The following COL6A6 variants were observed in gnomAD, a reference collection of about 807,000 sequenced individuals.
COL6A6 encodes the protein collagen alpha-6(VI) chain.
Under a neutral mutation model 208.6 loss-of-function variants are expected in COL6A6, and 183 were observed. That is an observed-to-expected ratio of 0.88 (90% CI 0.78 to 0.99). The LOEUF (loss-of-function observed/expected upper bound fraction) is 0.99. Among genes scored for constraint, COL6A6 ranks in the 50% least tolerant of loss-of-function variants. The pLI, the probability that COL6A6 is intolerant of heterozygous loss-of-function variation, is 0.00. For missense variants in COL6A6, 2,816 were observed against 2,815.2 expected, an observed-to-expected ratio of 1.00 and a Z score of -0.01; for synonymous variants, 973 against 1,011.8, an observed-to-expected ratio of 0.96 and a Z score of 0.73.
intron 28 of COL6A6, among the ~76,000 whole-genome samples, chr3:130,638,788 C>T (rs2065228122): frequency 6.6e-6 from 1 of 152,222 alleles, no homozygotes; most frequent in Admixed American, 6.5e-5. Flanking sequence ...TCTTTTGTTA[C>T]TTGGGGAAGC....
At chr3:130,670,645 G>C (rs1032818798) in intron 36 of COL6A6, among the ~76,000 whole-genome samples, 1 of 152,296 alleles carries the variant, frequency 6.6e-6, no homozygotes, top group East Asian at 1.9e-4. Context: ...ACAGTCTTGG[G>C]ACAGGGAAGG....
At chr3:130,518,403 T>A (rs1233721094) in intron 1 of COL6A6, among the ~76,000 whole-genome samples, 3 of 152,256 alleles carry the variant, frequency 2.0e-5, no homozygotes, top group African/African-American at 7.2e-5. Context: ...GTTCAGTGTC[T>A]TCATAGAGGA....
chr3:130,589,931 GT>G, intron 12 of COL6A6: 2 of 441,300 alleles, frequency 4.5e-6, no homozygotes, highest in South Asian at 3.3e-5. Flanking sequence ...CTCTGAATAT[GT>G]CTCTGAAAGT....
intron 21 of COL6A6, among the ~76,000 whole-genome samples, chr3:130,607,843 C>T (rs2064231435): frequency 6.6e-6 from 1 of 152,162 alleles, no homozygotes; most frequent in African/African-American, 2.4e-5. Context: ...TTTTATTTAT[C>T]TGTTTCTGCT....
At chr3:130,553,835 G>GT (rs370346226) in intron 1 of COL6A6, among the ~76,000 whole-genome samples, 20 of 121,478 alleles carry the variant, frequency 1.6e-4, no homozygotes, top group South Asian at 1.1e-3. Context: ...GTTGCGGTGG[G>GT]TTTTTTTTGT....
At chr3:130,611,842 A>G (rs2064368612) in intron 23 of COL6A6, among the ~76,000 whole-genome samples, 1 of 152,168 alleles carries the variant, frequency 6.6e-6, no homozygotes, top group African/African-American at 2.4e-5. Context: ...ATGCAGGCAA[A>G]CTGCATGTCA....
intron 36 of COL6A6, among the ~76,000 whole-genome samples, chr3:130,674,006 A>G (rs1409833114): frequency 6.6e-6 from 1 of 152,130 alleles, no homozygotes; most frequent in Non-Finnish European, 1.5e-5. Flanking sequence ...GTTGCTCACA[A>G]CAACAGAAGT....
Position 130,581,975 on chromosome 3 carries a change from T to G in COL6A6, c.3892-15T>G, listed in dbSNP as rs2063435124. 1.2e-6 allele frequency: 2 copies of G among 1,602,476 alleles called. No homozygotes were observed. The highest frequency in any genetic ancestry group is 2.2e-5 in the South Asian group (2 of 89,448). On this transcript the variant is annotated splice_polypyrimidine_tract_variant and intron_variant, in intron 9 of 36. Coordinates refer to ENST00000358511, the MANE Select transcript of COL6A6 (RefSeq NM_001102608.3). The stretch of plus-strand genomic sequence containing the variant: ...CCTTTTTAATTCATTTTACTTTTTT[T>G]GAATACTTTCTTAGGTGGTCCTTTT...
chr3:130,593,192 T>G lies in COL6A6; in HGVS notation c.4417-7T>G, dbSNP rs201150701. 1.2e-4 allele frequency: 195 copies of G among 1,613,064 alleles called. No homozygotes were observed. The highest frequency in any genetic ancestry group is 7.0e-5 in the Non-Finnish European group (82 of 1,179,178). ...TCTATTAATAGCTTTCCCTTCTTGT[T>G]TTTTAGGGTGATAATGGTCTTCCTG... On this transcript the variant is annotated splice_region_variant and splice_polypyrimidine_tract_variant and intron_variant, in intron 16 of 36. Transcript: ENST00000358511.
At chr3:130,519,424 T>A (rs1332994491) in intron 1 of COL6A6, among the ~76,000 whole-genome samples, 1 of 152,218 alleles carries the variant, frequency 6.6e-6, no homozygotes, top group Admixed American at 6.5e-5. Flanking sequence ...CTAAGAATAC[T>A]CATTCCTACA....
intron 20 of COL6A6, among the ~76,000 whole-genome samples, chr3:130,602,808 CATA>C (rs1010931668): frequency 1.3e-5 from 2 of 152,122 alleles, no homozygotes; most frequent in African/African-American, 4.8e-5. Flanking sequence ...TCATGATTAA[CATA>C]ATATTTCTAG....
intron 28 of COL6A6, among the ~76,000 whole-genome samples, chr3:130,636,331 T>G (rs541061571): frequency 1.3e-5 from 2 of 152,254 alleles, no homozygotes; most frequent in Admixed American, 1.3e-4. Flanking sequence ...AGGTCTCCAG[T>G]ACAATTCATC....
intron 28 of COL6A6, among the ~76,000 whole-genome samples, chr3:130,637,350 G>C (rs778422036): frequency 6.6e-6 from 1 of 151,510 alleles, no homozygotes; most frequent in Non-Finnish European, 1.5e-5. Context: ...TCAGAAGCAC[G>C]CTAACAAGTT....
chr3:130,570,951 G>C lies in COL6A6; in HGVS notation c.2535G>C (p.Gln845His). The C allele has an allele frequency of 6.2e-7, 1 of 1,614,066 alleles. No individual in the cohort carries two copies. Among genetic ancestry groups the C allele is most frequent in the Non-Finnish European group, 8.5e-7 (1 of 1,179,896 alleles). The change falls in exon 7 of 37, where the codon CAG becomes CAC. Residue 845 changes from glutamine (Q) to histidine (H), a missense_variant. Transcript: ENST00000358511. ...LVKKADVGKN[Q>H]VRFGALKYAD... ...AAAAAGCTGATGTGGGCAAGAATCA[G>C]GTCCGGTTTGGGGCTCTGAAGTATG...
intron 8 of COL6A6, among the ~76,000 whole-genome samples, chr3:130,581,131 A>T (rs2063410038): frequency 6.6e-6 from 1 of 151,982 alleles, no homozygotes; most frequent in East Asian, 1.9e-4. Flanking sequence ...TTTTTTCTAG[A>T]TGACTTTATT....
At chr3:130,572,753 A>G (rs1482160466) in intron 7 of COL6A6, among the ~76,000 whole-genome samples, 1 of 152,226 alleles carries the variant, frequency 6.6e-6, no homozygotes, top group Non-Finnish European at 1.5e-5. Flanking sequence ...AAGTTAACCA[A>G]TTCCTAAAGG....
chr3:130,639,340 C>CTAT (rs1241209020), intron 28 of COL6A6, among the ~76,000 whole-genome samples: 2 of 152,064 alleles, frequency 1.3e-5, no homozygotes, highest in African/African-American at 4.8e-5. Flanking sequence ...GTTTTGAACT[C>CTAT]TATTACTCAG....
chr3:130,590,254 CATATATATATATAT>C (rs1299611852), intron 12 of COL6A6, among the ~76,000 whole-genome samples: 140 of 11,662 alleles, frequency 0.012, 2 homozygotes, highest in African/African-American at 0.033. Flanking sequence ...CTTTTTTTTT[CATATATATATATAT>C]ATATATATAT....
At chr3:130,599,620 C>T (rs1314567357) in intron 19 of COL6A6, 137 bp from the exon 20 acceptor site, 3 of 781,570 alleles carry the variant, frequency 3.8e-6, no homozygotes, top group Admixed American at 2.3e-5. Flanking sequence ...AGAGTTCATG[C>T]CATTTTCCAA....
Sources: gnomAD v4.1 joint callset for allele counts (sites outside exome capture counted in the v4.1 genomes callset) on GRCh38, gnomAD v4.1.1 for gene constraint, MANE v1.5 for transcripts, NCBI Gene and HGNC (gene_info 2026-07-23, HGNC 2026-07-21) for gene names.